DMD: variants seen among roughly 807,000 people sequenced by gnomAD.
DMD encodes dystrophin, also known as mutant dystrophin.
Under a neutral mutation model 330.1 loss-of-function variants are expected in DMD, and 63 were observed. The ratio of observed to expected loss-of-function variants is 0.19; its 90% CI spans 0.16 to 0.24. The LOEUF is 0.24. DMD is among the 10% of genes least tolerant of loss of function. The pLI, the probability that DMD is intolerant of heterozygous loss-of-function variation, is 1.00. For missense variants in DMD, 3,344 were observed against 2,684.1 expected, an observed-to-expected ratio of 1.25 and a Z score of -5.43; for synonymous variants, 1,223 against 959.8, an observed-to-expected ratio of 1.27 and a Z score of -5.07.
In DMD at chrX:32,565,733, A is replaced by G. The variant is rs1057518312; in HGVS notation, c.1961T>C (p.Leu654Ser). The G allele has an allele frequency of 8.3e-7, 1 of 1,211,608 alleles. No homozygotes were observed. Among genetic ancestry groups the G allele is most frequent in the Middle Eastern group, 2.3e-4 (1 of 4,354 alleles). The stretch of plus-strand genomic sequence containing the variant: ...TGTACTCTTTTCAAGTTTTTGGACT[A>G]AATTATCCCAACACCGGGCAAAGTT... The part of the protein sequence containing the change: ...LDNFARCWDN[L>S]VQKLEKSTAQ... The change falls in exon 16 of 79, where the codon TTA (leucine) becomes TCA (serine). Residue 654 changes from leucine to serine, a missense_variant. Coordinates refer to ENST00000357033, the MANE Select transcript of DMD (RefSeq NM_004006.3).
At chrX:31,549,335 A>G (rs1382761034) in intron 55 of DMD, among the ~76,000 whole-genome samples, 1 of 111,513 alleles carries the variant, frequency 9.0e-6, no homozygotes, top group Non-Finnish European at 1.9e-5. Context: ...TGAAAAAAAA[A>G]AATGGATTAC....
At chrX:31,821,294 T>C (rs1392486375) in intron 49 of DMD, among the ~76,000 whole-genome samples, 1 of 112,782 alleles carries the variant, frequency 8.9e-6, no homozygotes, top group Non-Finnish European at 1.9e-5. Flanking sequence ...TAGTAGATAC[T>C]GGGTGGAGCC....
chrX:32,933,947 T>C (rs765186268), intron 2 of DMD, among the ~76,000 whole-genome samples: 1 of 111,645 alleles, frequency 9.0e-6, no homozygotes, highest in East Asian at 2.8e-4. Flanking sequence ...AATTTATTTC[T>C]GCGGCTTGGA....
intron 11 of DMD, among the ~76,000 whole-genome samples, chrX:32,625,440 A>ACG (rs1171880551): frequency 8.9e-6 from 1 of 111,755 alleles, no homozygotes. Context: ...ATAAACCGAC[A>ACG]GATAATTAGA....
At chrX:32,927,042 C>T (rs1022827657) in intron 2 of DMD, among the ~76,000 whole-genome samples, 4 of 111,459 alleles carry the variant, frequency 3.6e-5, no homozygotes, top group Non-Finnish European at 5.6e-5. Flanking sequence ...CTTAGCAAAT[C>T]GTAGCTGTAA....
rs192909810 is a variant in DMD at position 31,182,640 on chromosome X, C to T, written c.9974+98G>A. On this transcript the variant is annotated intron_variant, in intron 68 of 78. Coordinates refer to ENST00000357033, the MANE Select transcript of DMD (RefSeq NM_004006.3). The stretch of plus-strand genomic sequence containing the variant: ...CTTCTCTCCCACTTTGGAGACGGTA[C>T]GAACTAACAGCAACTGGCACAGGAG... 774 of 853,624 alleles carry T rather than the reference C, an allele frequency of 9.1e-4. 1 individual carries two copies. Among genetic ancestry groups the T allele is most frequent in the Non-Finnish European group, 1.2e-3 (714 of 576,925 alleles). The allele number at this position is 853,624 out of a possible 1,213,427, so 70.3% of individuals were successfully genotyped here.
intron 44 of DMD, among the ~76,000 whole-genome samples, chrX:31,984,340 A>G (rs139028316): frequency 0.033 from 3,699 of 112,357 alleles, 67 homozygotes; most frequent in Middle Eastern, 0.055. Context: ...TAAAGCTGCT[A>G]TATTAGAATG....
At chrX:32,096,593 T>C (rs778464207) in intron 44 of DMD, among the ~76,000 whole-genome samples, 268 of 110,685 alleles carry the variant, frequency 2.4e-3, no homozygotes, top group Middle Eastern at 4.6e-3. Flanking sequence ...TTTCTAATAT[T>C]TTATTCACAG....
intron 12 of DMD, among the ~76,000 whole-genome samples, chrX:32,596,149 T>A (rs1268778715): frequency 1.8e-5 from 2 of 110,954 alleles, no homozygotes; most frequent in East Asian, 5.7e-4. Flanking sequence ...CCTTTCTCCC[T>A]TTCAAGGACT....
chrX:32,611,480 A>G (rs1034504558), intron 12 of DMD, among the ~76,000 whole-genome samples: 1 of 111,386 alleles, frequency 9.0e-6, no homozygotes, highest in East Asian at 2.8e-4. Context: ...AGTAATGAAT[A>G]ATATATTTAA....
At chrX:32,271,464 G>A (rs777784122) in intron 43 of DMD, among the ~76,000 whole-genome samples, 16 of 112,805 alleles carry the variant, frequency 1.4e-4, no homozygotes, top group Non-Finnish European at 3.0e-4. Flanking sequence ...ATTTTCAAGA[G>A]GAATTTGAGA....
intron 44 of DMD, among the ~76,000 whole-genome samples, chrX:32,074,105 A>G (rs896887425): frequency 9.0e-5 from 10 of 111,509 alleles, no homozygotes; most frequent in African/African-American, 2.9e-4. Context: ...ATAATCAACC[A>G]TATAAAAACC....
intron 19 of DMD, among the ~76,000 whole-genome samples, chrX:32,494,228 T>C (rs763567557): frequency 2.7e-5 from 3 of 111,629 alleles, no homozygotes; most frequent in Non-Finnish European, 5.6e-5. Context: ...TGTTGCAATA[T>C]ATCACTGTAA....
chrX:33,316,998 TC>T (rs1191915285), intron 1 of DMD, among the ~76,000 whole-genome samples: 2 of 111,423 alleles, frequency 1.8e-5, no homozygotes. Context: ...TTTTCTTTTT[TC>T]TTTTTGTGTT....
Position 31,120,472 on chromosome X carries a change from T to TTTC in DMD, c.*1446_*1447insGAA, listed in dbSNP as rs2032213205. The TTTC allele has an allele frequency of 1.8e-5, 2 of 110,964 alleles. No individual in the cohort carries two copies. Among genetic ancestry groups the TTTC allele is most frequent in the South Asian group, 3.8e-4 (1 of 2,666 alleles). The allele number at this position is 110,964 out of a possible 1,213,427, so 9.1% of individuals were successfully genotyped here. ...ATCACAAATGTGATGGGGCTACTGT[T>TTTC]TTACACCTTTTCCCAAAGTTTATTT... On this transcript the variant is annotated 3_prime_UTR_variant, in exon 79 of 79. Coordinates refer to ENST00000357033, the MANE Select transcript of DMD (RefSeq NM_004006.3).
intron 21 of DMD, 132 bp from the exon 22 acceptor site, chrX:32,472,441 A>G: frequency 1.6e-6 from 1 of 606,537 alleles, no homozygotes; most frequent in Non-Finnish European, 2.6e-6. Context: ...TCTGAAAAAT[A>G]TATTTAATAT....
At chrX:32,538,324 C>A (rs1047547308) in intron 17 of DMD, among the ~76,000 whole-genome samples, 12 of 111,653 alleles carry the variant, frequency 1.1e-4, no homozygotes, top group Non-Finnish European at 5.6e-5. Flanking sequence ...CCCACCTTAA[C>A]CGAGCGATTA....
chrX:32,876,672 CT>C (rs1011441157), intron 2 of DMD, among the ~76,000 whole-genome samples: 1 of 111,843 alleles, frequency 8.9e-6, no homozygotes, highest in African/African-American at 3.3e-5. Context: ...TTATGAGCCC[CT>C]GGCTGAAAGA....
chrX:33,260,752 T>C (rs1014422333), intron 1 of DMD, among the ~76,000 whole-genome samples: 2 of 111,721 alleles, frequency 1.8e-5, no homozygotes, highest in African/African-American at 6.5e-5. Context: ...CATCACTTTA[T>C]ACAATTATAT....
Sources: allele counts gnomAD v4.1 joint callset (sites outside exome capture counted in the v4.1 genomes callset), GRCh38; gene constraint gnomAD v4.1.1; transcripts MANE v1.5; gene names NCBI Gene and HGNC (gene_info 2026-07-23, HGNC 2026-07-21).